The following CAMKK1 variants were observed in gnomAD, a reference collection of about 807,000 sequenced individuals.
The protein encoded by CAMKK1 is calcium/calmodulin-dependent protein kinase kinase 1.
In CAMKK1, 20 loss-of-function variants were observed where a neutral mutation model predicts 63.5. The ratio of observed to expected loss-of-function variants is 0.32; its 90% CI spans 0.22 to 0.46. The LOEUF is 0.46. Among genes scored for constraint, CAMKK1 ranks in the 20% least tolerant of loss-of-function variants. The probability of loss-of-function intolerance (pLI) is 1.00; values close to 1 mark genes in which losing one functional copy is unlikely to be tolerated. For missense variants in CAMKK1, 588 were observed against 658.1 expected, an observed-to-expected ratio of 0.89 and a Z score of 1.17; for synonymous variants, 253 against 269.0, an observed-to-expected ratio of 0.94 and a Z score of 0.58.
chr17:3,862,383 C>T lies in CAMKK1; in HGVS notation c.1446-100G>A. 9.9e-7 allele frequency: 1 copy of T among 1,014,652 alleles called. No individual in the cohort carries two copies. Among genetic ancestry groups the T allele is most frequent in the Non-Finnish European group, 1.5e-6 (1 of 667,424 alleles). 62.9% of individuals were successfully genotyped at this position (1,014,652 alleles called of 1,614,324 possible). Reference sequence around the variant, plus strand: ...ACACAGGAATCTGAATCCCACATCTCTCAAAGCCCCCTTCACCCACTGCCC... The same window carrying T: ...ACACAGGAATCTGAATCCCACATCTTTCAAAGCCCCCTTCACCCACTGCCC... On this transcript the variant is annotated intron_variant, in intron 15 of 15. Coordinates refer to ENST00000348335, the MANE Select transcript of CAMKK1 (RefSeq NM_032294.3). The surrounding 1 kb of genome is among the most constrained non-coding windows in gnomAD (Gnocchi z 4.1).
Position 3,882,903 on chromosome 17 carries a change from TG to T in CAMKK1, c.648+138del. On this transcript the variant is annotated intron_variant, in intron 6 of 15. Coordinates refer to ENST00000348335, the MANE Select transcript of CAMKK1 (RefSeq NM_032294.3). The surrounding 1 kb of genome is among the most constrained non-coding windows in gnomAD (Gnocchi z 4.3). ...CCTTCCTGCAGCCCCACCCCAAGTC[TG>T]GCCCTGTCCTCAGAGGCCTCAGCCA... 1 of 1,137,292 alleles carries T rather than the reference TG, an allele frequency of 8.8e-7. No homozygotes were observed. 70.5% of individuals were successfully genotyped at this position (1,137,292 alleles called of 1,614,324 possible).
At position 3,887,185 on chromosome 17, in the gene CAMKK1, C is replaced by A. The variant is rs1176491355; in HGVS notation, c.-43-1455G>T. Among the ~76,000 whole-genome samples, 8 of 152,188 alleles carry A rather than the reference C, an allele frequency of 5.3e-5. No individual in the cohort carries two copies. The highest frequency in any genetic ancestry group is 1.9e-4 in the African/African-American group (8 of 41,444). The stretch of plus-strand genomic sequence containing the variant: ...GGGCCCTAGACCAGCTCCTTCCCGA[C>A]TCTGAGCCCCAGTCTCCCGACTTGT... On this transcript the variant is annotated intron_variant, in intron 1 of 15. Transcript: ENST00000348335. The surrounding 1 kb of genome is among the most constrained non-coding windows in gnomAD (Gnocchi z 6.1).
intron 15 of CAMKK1, chr17:3,865,343 T>G (rs1164560770): frequency 1.3e-5 from 13 of 987,790 alleles, no homozygotes; most frequent in Non-Finnish European, 1.4e-5. Context: ...AGCCTGTCCC[T>G]GCTTACTCAC....
Position 3,860,547 on chromosome 17 carries a change from A to G in CAMKK1, c.*1664T>C, listed in dbSNP as rs2240807. The G allele has an allele frequency of 0.066, 10,088 of 152,670 alleles. 474 individuals carry two copies. Among genetic ancestry groups the G allele is most frequent in the East Asian group, 0.18 (919 of 5,172 alleles). 9.5% of individuals were successfully genotyped at this position (152,670 alleles called of 1,614,324 possible). On this transcript the variant is annotated 3_prime_UTR_variant, in exon 16 of 16. Transcript: ENST00000348335. Reference sequence around the variant, plus strand: ...GGTCCCCCCAGACCAGATGCTCAAGAAACACTTGGGGATCAGTGATTGGCT... The same window carrying G: ...GGTCCCCCCAGACCAGATGCTCAAGGAACACTTGGGGATCAGTGATTGGCT...
At position 3,873,540 on chromosome 17, in the gene CAMKK1, G is replaced by C. The variant is rs949333161; in HGVS notation, c.997-78C>G. 8.0e-6 allele frequency: 11 copies of C among 1,373,178 alleles called. No individual in the cohort carries two copies. In the Admixed American group the frequency reaches 1.0e-4, roughly 13 times the overall value. 85.1% of individuals were successfully genotyped at this position (1,373,178 alleles called of 1,614,324 possible). On this transcript the variant is annotated intron_variant, in intron 10 of 15. Transcript: ENST00000348335. ...CACCCAGCTCCAGCGGGCTGCAGGA[G>C]AGGCCTGCAGGGAACCTCTTTCCTC...
rs762966537 is a variant in CAMKK1, at chr17:3,885,642, G to A, written c.46C>T (p.Leu16=). The change falls in exon 2 of 16, where the codon CTG becomes TTG. Residue 16 remains leucine, a synonymous_variant. Transcript: ENST00000348335. ...AVCCQDPRAE[L]VERVAAIDVT... ...TCGATGGCTGCCACCCGTTCTACCAGCTCTGCCCGAGGATCCTGGCAGCAG... is the reference window on the plus strand; with the variant it reads ...TCGATGGCTGCCACCCGTTCTACCAACTCTGCCCGAGGATCCTGGCAGCAG... The A allele has an allele frequency of 6.8e-6, 11 of 1,613,674 alleles. No individual in the cohort carries two copies. In the East Asian group the frequency reaches 2.2e-4, roughly 33 times the overall value.
In CAMKK1 at chr17:3,882,185, T is replaced by G; in HGVS notation, c.685+343A>C. The G allele has an allele frequency of 1.9e-6, 2 of 1,073,618 alleles. No individual in the cohort carries two copies. The highest frequency in any genetic ancestry group is 2.8e-6 in the Non-Finnish European group (2 of 721,240). 66.5% of individuals were successfully genotyped at this position (1,073,618 alleles called of 1,614,324 possible). ...AGGTAGACACCACTAGTATCCCTGT[T>G]TTATAGGTGGGAAAACTGAGGCACA... On this transcript the variant is annotated intron_variant, in intron 7 of 15. Transcript: ENST00000348335. This position sits in a 1 kb window ranked among gnomAD's most constrained non-coding sequence, Gnocchi z 4.3.
intron 15 of CAMKK1, chr17:3,865,609 A>G: frequency 1.6e-6 from 2 of 1,226,172 alleles, no homozygotes; most frequent in Non-Finnish European, 2.1e-6. Context: ...AGTGACATCA[A>G]GCTGCATGGA....
At position 3,884,350 on chromosome 17, in the gene CAMKK1, C is replaced by T; in HGVS notation, c.408+30G>A. ...AGCGCCAAACAGAGAATCCCGAAGC[C>T]CCCACTGCTCTCGGCCTGCCCACTC... On this transcript the variant is annotated intron_variant, in intron 3 of 15. Coordinates refer to ENST00000348335, the MANE Select transcript of CAMKK1 (RefSeq NM_032294.3). The surrounding 1 kb of genome is among the most constrained non-coding windows in gnomAD (Gnocchi z 4.5). The T allele has an allele frequency of 6.2e-7, 1 of 1,611,554 alleles. No homozygotes were observed. Among genetic ancestry groups the T allele is most frequent in the Non-Finnish European group, 8.5e-7 (1 of 1,177,836 alleles).
chr17:3,886,640 G>A (rs1407661770), intron 1 of CAMKK1, among the ~76,000 whole-genome samples: 1 of 151,944 alleles, frequency 6.6e-6, no homozygotes, highest in Non-Finnish European at 1.5e-5. Context: ...TCAAAAAAAA[G>A]CAAGGGGATG....
chr17:3,873,476 T>G lies in CAMKK1; in HGVS notation c.997-14A>C. On this transcript the variant is annotated splice_polypyrimidine_tract_variant and intron_variant, in intron 10 of 15. Transcript: ENST00000348335. ...TACATCCAAGGCCTGGAAAGAAACA[T>G]GCTCACATCAGTCCCCAACAGGCAC... 6.2e-7 allele frequency: 1 copy of G among 1,613,898 alleles called. No homozygotes were observed. The highest frequency in any genetic ancestry group is 1.3e-5 in the African/African-American group (1 of 75,002).
rs200222928 is a variant in CAMKK1, at chr17:3,884,473, G to A, written c.361-46C>T. 2 of 1,581,866 alleles carry A rather than the reference G, an allele frequency of 1.3e-6. No individual in the cohort carries two copies. The highest frequency in any genetic ancestry group is 1.7e-6 in the Non-Finnish European group (2 of 1,154,090). ...CCAGGTGGAGCTGGGTCCGGAGGCA[G>A]CACTGCTCCTACCTCAGAGCCCGTT... is the stretch of plus-strand genomic sequence containing the variant. On this transcript the variant is annotated intron_variant, in intron 2 of 15. Transcript: ENST00000348335. This position sits in a 1 kb window ranked among gnomAD's most constrained non-coding sequence, Gnocchi z 4.5.
intron 8 of CAMKK1, among the ~76,000 whole-genome samples, chr17:3,881,215 T>A (rs1844899673): frequency 1.3e-5 from 2 of 152,254 alleles, no homozygotes; most frequent in African/African-American, 2.4e-5. Context: ...TAGCTTTCCC[T>A]CTCACAAATG....
intron 7 of CAMKK1, 82 bp from the exon 8 acceptor site, chr17:3,881,730 G>T (rs2055418436): frequency 1.4e-5 from 18 of 1,310,824 alleles, no homozygotes; most frequent in Non-Finnish European, 1.8e-5. Flanking sequence ...CTGGAGGGTA[G>T]GAGAGGGGGC....
intron 15 of CAMKK1, 71 bp downstream of exon 15, chr17:3,865,837 G>A (rs1454544622): frequency 2.0e-5 from 32 of 1,597,482 alleles, no homozygotes; most frequent in Non-Finnish European, 2.6e-5. Context: ...GTGAGAGTGG[G>A]AGGATGGGCC....
In CAMKK1 at chr17:3,861,336, G is replaced by A. The variant is rs2288684; in HGVS notation, c.*875C>T. 21,580 of 152,322 alleles carry A rather than the reference G, an allele frequency of 0.14. 1,805 individuals carry two copies. The highest frequency in any genetic ancestry group is 0.35 in the East Asian group (1,803 of 5,176). 9.4% of individuals were successfully genotyped at this position (152,322 alleles called of 1,614,324 possible). ...CAGGCCTGTCGCGTCCATGGCCCTC[G>A]GTCAAAGTCAGCCCTGGTGTCTTCT... is the stretch of plus-strand genomic sequence containing the variant. On this transcript the variant is annotated 3_prime_UTR_variant, in exon 16 of 16. Coordinates refer to ENST00000348335, the MANE Select transcript of CAMKK1 (RefSeq NM_032294.3).
rs756991491 is a variant in CAMKK1 at position 3,885,722 on chromosome 17, G to C, written c.-35C>G. On this transcript the variant is annotated 5_prime_UTR_variant, in exon 2 of 16. Coordinates refer to ENST00000348335, the MANE Select transcript of CAMKK1 (RefSeq NM_032294.3). ...CAAGGGGGTTCTTCTGCGTAGCCTT[G>C]TTGGGAACCTGAGAAAAGAAGGCAG... 4 of 1,605,088 alleles carry C rather than the reference G, an allele frequency of 2.5e-6. No individual in the cohort carries two copies. The African/African-American group carries it at 4.0e-5, about 16-fold the overall frequency.
rs542166968 is a variant in CAMKK1 at position 3,887,835 on chromosome 17, G to T, written c.-43-2105C>A. 3.9e-5 allele frequency among the ~76,000 whole-genome samples: 6 copies of T among 152,118 alleles called. No individual in the cohort carries two copies. Among genetic ancestry groups the T allele is most frequent in the Non-Finnish European group, 7.4e-5 (5 of 68,000 alleles). ...AAGCTGGGAACACCCTCCAGGACCC[G>T]CCAGGCTCCTCCCAGCAGGTGGCCC... On this transcript the variant is annotated intron_variant, in intron 1 of 15. Transcript: ENST00000348335. This position sits in a 1 kb window ranked among gnomAD's most constrained non-coding sequence, Gnocchi z 6.1.
At position 3,883,398 on chromosome 17, in the gene CAMKK1, G is replaced by T; in HGVS notation, c.514+31C>A. 6.2e-7 allele frequency: 1 copy of T among 1,605,724 alleles called. No homozygotes were observed. The highest frequency in any genetic ancestry group is 8.5e-7 in the Non-Finnish European group (1 of 1,172,434). On this transcript the variant is annotated intron_variant, in intron 5 of 15. Transcript: ENST00000348335. The surrounding 1 kb of genome is among the most constrained non-coding windows in gnomAD (Gnocchi z 4.7). ...CTCCTCCTCTGCCTCCAGGCTAGGA[G>T]CTCCCAGGGACAGGATCAGAAGATA...
Sources: allele counts gnomAD v4.1 joint callset (sites outside exome capture counted in the v4.1 genomes callset), GRCh38; gene constraint gnomAD v4.1.1; non-coding constraint Gnocchi (gnomAD v3.1); transcripts MANE v1.5; gene names NCBI Gene and HGNC (gene_info 2026-07-23, HGNC 2026-07-21).